The following ASTN2 variants were observed in gnomAD, a reference collection of about 807,000 sequenced individuals.
The protein encoded by ASTN2 is astrotactin 2, also known as astrotactin-2.
In ASTN2, 54 loss-of-function variants were observed where a neutral mutation model predicts 139.8. The observed-to-expected ratio is 0.39, with a 90% CI of 0.31 to 0.48. ASTN2 has a LOEUF of 0.48. Among genes scored for constraint, ASTN2 ranks in the 20% least tolerant of loss-of-function variants. The pLI, the probability that ASTN2 is intolerant of heterozygous loss-of-function variation, is 0.95. For missense variants in ASTN2, 1,565 were observed against 1,725.1 expected, an observed-to-expected ratio of 0.91 and a Z score of 1.64; for synonymous variants, 756 against 719.5, an observed-to-expected ratio of 1.05 and a Z score of -0.81.
intron 10 of ASTN2, among the ~76,000 whole-genome samples, chr9:116,917,755 A>G (rs1235648631): frequency 6.6e-6 from 1 of 152,226 alleles, no homozygotes; most frequent in Non-Finnish European, 1.5e-5. Context: ...GGTTAATTAT[A>G]AAAGTTTGTA....
chr9:116,815,861 G>C (rs1831314466), intron 12 of ASTN2, among the ~76,000 whole-genome samples: 1 of 142,228 alleles, frequency 7.0e-6, no homozygotes, highest in Non-Finnish European at 1.5e-5. Context: ...TCTTACATAG[G>C]AATATATGAG....
chr9:117,235,071 C>T (rs1309497525), intron 2 of ASTN2, among the ~76,000 whole-genome samples: 2 of 151,816 alleles, frequency 1.3e-5, no homozygotes, highest in Non-Finnish European at 2.9e-5. Flanking sequence ...CTGACTCTAC[C>T]AGAAATAAAA....
chr9:116,530,150 T>TATATAA (rs1851279812), intron 19 of ASTN2, among the ~76,000 whole-genome samples: 3 of 21,084 alleles, frequency 1.4e-4, no homozygotes, highest in African/African-American at 2.5e-4. Flanking sequence ...TATATATATA[T>TATATAA]AAAATAGAAT....
intron 15 of ASTN2, among the ~76,000 whole-genome samples, chr9:116,727,568 TG>T (rs1828665011): frequency 6.6e-6 from 1 of 152,108 alleles, no homozygotes; most frequent in African/African-American, 2.4e-5. Context: ...GGGTGTTTGA[TG>T]AGAACAACCC....
At chr9:116,556,710 C>G (rs1429242367) in intron 19 of ASTN2, among the ~76,000 whole-genome samples, 1 of 152,110 alleles carries the variant, frequency 6.6e-6, no homozygotes, top group African/African-American at 2.4e-5. Context: ...CCTAATGTCC[C>G]TAAGTTTAAC....
chr9:117,329,180 C>CTTTTTTTTTT (rs749880987), intron 1 of ASTN2, among the ~76,000 whole-genome samples: 134 of 82,300 alleles, frequency 1.6e-3, no homozygotes, highest in Non-Finnish European at 2.2e-3. Flanking sequence ...CTTCCAAGTT[C>CTTTTTTTTTT]TTTTTTTTTT....
intron 13 of ASTN2, among the ~76,000 whole-genome samples, chr9:116,742,122 A>G (rs1829111122): frequency 6.6e-6 from 1 of 152,176 alleles, no homozygotes. Flanking sequence ...TTGTTTTGAA[A>G]ATGTTAAAAT....
At chr9:117,026,480 G>A (rs1838087845) in intron 6 of ASTN2, among the ~76,000 whole-genome samples, 1 of 152,070 alleles carries the variant, frequency 6.6e-6, no homozygotes, top group Admixed American at 6.6e-5. Flanking sequence ...AACCTTTCAG[G>A]GATCCCAGGT....
At chr9:116,833,174 C>T (rs893679046) in intron 11 of ASTN2, among the ~76,000 whole-genome samples, 1 of 152,026 alleles carries the variant, frequency 6.6e-6, no homozygotes, top group Non-Finnish European at 1.5e-5. Context: ...TCATCTAATT[C>T]ATCAAGTTTA....
chr9:116,793,002 C>T (rs1026332744), intron 13 of ASTN2, among the ~76,000 whole-genome samples: 2 of 151,968 alleles, frequency 1.3e-5, no homozygotes, highest in African/African-American at 4.8e-5. Context: ...GGGTACTATG[C>T]TCAGCACATG....
intron 11 of ASTN2, among the ~76,000 whole-genome samples, chr9:116,834,170 T>C (rs1831912852): frequency 1.3e-5 from 2 of 152,358 alleles, no homozygotes; most frequent in East Asian, 1.9e-4. Flanking sequence ...TCCATACAAT[T>C]TGAATCTTAA....
intron 19 of ASTN2, among the ~76,000 whole-genome samples, chr9:116,564,277 C>G (rs1235410857): frequency 6.6e-6 from 1 of 152,146 alleles, no homozygotes; most frequent in African/African-American, 2.4e-5. Flanking sequence ...ATGTAGCTTT[C>G]TGAGGTGGCC....
intron 3 of ASTN2, among the ~76,000 whole-genome samples, chr9:117,151,900 T>C (rs754463871): frequency 6.6e-6 from 1 of 152,186 alleles, no homozygotes; most frequent in Non-Finnish European, 1.5e-5. Context: ...CCCTACTGCC[T>C]GGCCCCACTC....
chr9:116,691,615 A>G (rs868661174), intron 16 of ASTN2, among the ~76,000 whole-genome samples: 9 of 152,150 alleles, frequency 5.9e-5, no homozygotes, highest in Non-Finnish European at 1.3e-4. Context: ...CTTCAGGAGC[A>G]TGCCTGTGTT....
chr9:116,829,571 G>A (rs1454807926), intron 11 of ASTN2, among the ~76,000 whole-genome samples: 1 of 152,100 alleles, frequency 6.6e-6, no homozygotes, highest in Admixed American at 6.6e-5. Context: ...GAAGAGGAAA[G>A]AGGCACGTCT....
intron 19 of ASTN2, among the ~76,000 whole-genome samples, chr9:116,602,335 T>C (rs1345863315): frequency 6.6e-6 from 1 of 152,166 alleles, no homozygotes; most frequent in East Asian, 1.9e-4. Context: ...TTTGTGTCTT[T>C]GTTCTAAGAA....
chr9:117,279,356 A>C (rs1311006955), intron 2 of ASTN2, among the ~76,000 whole-genome samples: 1 of 152,210 alleles, frequency 6.6e-6, no homozygotes, highest in African/African-American at 2.4e-5. Flanking sequence ...AACCTTCTAG[A>C]CCTTGGTTTT....
chr9:116,484,597 G>A (rs185286235), intron 20 of ASTN2, among the ~76,000 whole-genome samples: 2 of 152,280 alleles, frequency 1.3e-5, no homozygotes, highest in African/African-American at 4.8e-5. Context: ...GCCGCCAATG[G>A]GATAAGAGAC....
chr9:116,493,400 C>T (rs1849578200), intron 19 of ASTN2, among the ~76,000 whole-genome samples: 1 of 152,190 alleles, frequency 6.6e-6, no homozygotes, highest in Admixed American at 6.5e-5. Flanking sequence ...CAGGAATGTG[C>T]CTGTTCCCCA....
Sources: allele counts gnomAD v4.1 joint callset (sites outside exome capture counted in the v4.1 genomes callset), GRCh38; gene constraint gnomAD v4.1.1; transcripts MANE v1.5; gene names NCBI Gene and HGNC (gene_info 2026-07-23, HGNC 2026-07-21).